Variants in ARID4B observed in about 807,000 individuals in gnomAD.
ARID4B encodes the protein AT-rich interaction domain 4B.
In ARID4B, 26 loss-of-function variants were observed where a neutral mutation model predicts 147.5. The observed-to-expected ratio is 0.18, with a 90% CI of 0.13 to 0.24. The LOEUF is 0.24. ARID4B is among the 10% of genes least tolerant of loss of function. The probability of loss-of-function intolerance (pLI) is 1.00; values close to 1 mark genes in which losing one functional copy is unlikely to be tolerated. For missense variants in ARID4B, 1,179 were observed against 1,511.5 expected (o/e 0.78, Z 3.65); for synonymous variants, 512 against 507.9 (o/e 1.01, Z -0.11).
At chr1:235,226,857 C>T (rs1219587039) in intron 11 of ARID4B, among the ~76,000 whole-genome samples, 3 of 152,056 alleles carry the variant, frequency 2.0e-5, no homozygotes, top group Non-Finnish European at 2.9e-5. Context: ...TTAGTACAGA[C>T]GGGGTTTCAC....
Position 235,182,421 on chromosome 1 carries a change from C to A in ARID4B, c.2498G>T (p.Cys833Phe), listed in dbSNP as rs1402177471. 1 of 1,609,626 alleles carries A rather than the reference C, an allele frequency of 6.2e-7. No individual in the cohort carries two copies. Among genetic ancestry groups the A allele is most frequent in the Non-Finnish European group, 8.5e-7 (1 of 1,178,996 alleles). Reference protein sequence around the residue: ...GKRRYCNTEECLKTGSPGKKE... With the variant: ...GKRRYCNTEEFLKTGSPGKKE... ...TTTGCCAGGTGATCCAGTTTTTAGA[C>A]ACTCTTCTGTATTGCAATACCTTCT... The change falls in exon 20 of 24, where the codon TGT (cysteine) becomes TTT (phenylalanine). Residue 833 changes from cysteine (C) to phenylalanine (F), a missense_variant. Around this residue, in one of 10 missense-constraint regions of ARID4B, gnomAD observed 321 missense variants for 342.4 expected, o/e 0.94. Transcript: ENST00000264183.
chr1:235,236,201 G>A (rs181123321), intron 8 of ARID4B, among the ~76,000 whole-genome samples: 1 of 151,980 alleles, frequency 6.6e-6, no homozygotes, highest in Non-Finnish European at 1.5e-5. Context: ...AAGATTGGTC[G>A]ATTTAGAACA....
At chr1:235,225,956 C>G (rs1321665744) in intron 11 of ARID4B, among the ~76,000 whole-genome samples, 2 of 152,176 alleles carry the variant, frequency 1.3e-5, no homozygotes, top group African/African-American at 2.4e-5. Context: ...TTTAAACACA[C>G]TCCATACATT....
In ARID4B at chr1:235,175,060, T is replaced by C; in HGVS notation, c.3664+124A>G. On this transcript the variant is annotated intron_variant, in intron 22 of 23. Transcript: ENST00000264183. ...GGCTGAAGATTACAGTGAGCCAAGATCGCACCACCGCACTCCAGCCTGGTG... is the reference window on the plus strand; with the variant it reads ...GGCTGAAGATTACAGTGAGCCAAGACCGCACCACCGCACTCCAGCCTGGTG... 3 of 809,920 alleles carry C rather than the reference T, an allele frequency of 3.7e-6. No individual in the cohort carries two copies. In the South Asian group the frequency reaches 5.1e-5, roughly 14 times the overall value. The allele number at this position is 809,920 out of a possible 1,614,324, so 50.2% of individuals were successfully genotyped here.
chr1:235,226,195 A>G (rs1667814967), intron 11 of ARID4B, among the ~76,000 whole-genome samples: 1 of 152,214 alleles, frequency 6.6e-6, no homozygotes, highest in Admixed American at 6.5e-5. Context: ...TTTGGTAGCT[A>G]TTTATCATCT....
intron 8 of ARID4B, among the ~76,000 whole-genome samples, chr1:235,237,715 G>A (rs1668697339): frequency 1.3e-5 from 2 of 152,156 alleles, no homozygotes; most frequent in Admixed American, 6.6e-5. Flanking sequence ...ATGGACATAA[G>A]TTTTCATACA....
At chr1:235,199,093 C>T (rs1415782184) in intron 17 of ARID4B, among the ~76,000 whole-genome samples, 3 of 151,884 alleles carry the variant, frequency 2.0e-5, no homozygotes. Context: ...AACAAGACTC[C>T]GTCTCAAAAA....
chr1:235,221,902 T>C (rs1667494814), intron 13 of ARID4B, among the ~76,000 whole-genome samples: 1 of 132,130 alleles, frequency 7.6e-6, no homozygotes, highest in African/African-American at 2.9e-5. Flanking sequence ...TTTTTTTTTT[T>C]TTTTTTTTTT....
chr1:235,263,341 G>A (rs1469737322), intron 2 of ARID4B, among the ~76,000 whole-genome samples: 3 of 152,004 alleles, frequency 2.0e-5, no homozygotes, highest in Non-Finnish European at 4.4e-5. Context: ...AACAAAAATA[G>A]GGTATAGAAT....
chr1:235,220,649 T>C (rs778541565), intron 14 of ARID4B, 104 bp from the exon 15 acceptor site: 41 of 906,848 alleles, frequency 4.5e-5, no homozygotes, highest in Non-Finnish European at 6.0e-5. Flanking sequence ...CTCTCAGATA[T>C]TGAGCCATAT....
At chr1:235,282,008 C>T (rs1671699032) in intron 2 of ARID4B, among the ~76,000 whole-genome samples, 1 of 152,168 alleles carries the variant, frequency 6.6e-6, no homozygotes, top group Non-Finnish European at 1.5e-5. Flanking sequence ...TAGGAACATA[C>T]ATCATGAATA....
intron 2 of ARID4B, among the ~76,000 whole-genome samples, chr1:235,298,390 C>CA (rs1285110649): frequency 1.3e-5 from 2 of 151,574 alleles, no homozygotes; most frequent in Non-Finnish European, 2.9e-5. Context: ...ACTAATTTTC[C>CA]AAAAATTAGA....
intron 21 of ARID4B, among the ~76,000 whole-genome samples, chr1:235,176,042 T>C (rs991174535): frequency 1.8e-4 from 27 of 152,192 alleles, no homozygotes; most frequent in Admixed American, 1.5e-3. Flanking sequence ...ATGGAAATAC[T>C]TGACCTTGAC....
At chr1:235,291,620 G>C (rs1219623848) in intron 2 of ARID4B, among the ~76,000 whole-genome samples, 1 of 151,932 alleles carries the variant, frequency 6.6e-6, no homozygotes, top group Non-Finnish European at 1.5e-5. Flanking sequence ...CAGATCACTT[G>C]AGGCCAGGAA....
At chr1:235,172,112 T>C (rs1663408441) in intron 23 of ARID4B, among the ~76,000 whole-genome samples, 1 of 152,224 alleles carries the variant, frequency 6.6e-6, no homozygotes, top group South Asian at 2.1e-4. Flanking sequence ...TGGTAGAGTA[T>C]AAACTCTATG....
intron 9 of ARID4B, among the ~76,000 whole-genome samples, chr1:235,231,987 G>C (rs576786180): frequency 6.6e-6 from 1 of 152,296 alleles, no homozygotes; most frequent in East Asian, 1.9e-4. Context: ...AGGAGTGGTG[G>C]CATGTGCCTG....
chr1:235,196,642 A>G (rs1436535665), intron 17 of ARID4B, among the ~76,000 whole-genome samples: 1 of 152,086 alleles, frequency 6.6e-6, no homozygotes, highest in Non-Finnish European at 1.5e-5. Context: ...TCACGAAGTC[A>G]GGAGATCAAG....
chr1:235,299,335 G>A (rs1204161455), intron 2 of ARID4B, among the ~76,000 whole-genome samples: 1 of 151,936 alleles, frequency 6.6e-6, no homozygotes, highest in Non-Finnish European at 1.5e-5. Context: ...TGCCTCAGCC[G>A]CCCGAGTAGC....
chr1:235,279,267 A>C (rs541863693), intron 2 of ARID4B, among the ~76,000 whole-genome samples: 7 of 152,228 alleles, frequency 4.6e-5, no homozygotes, highest in African/African-American at 1.4e-4. Context: ...TCTTAAGTAG[A>C]TATTTGTAAT....
Sources: allele counts gnomAD v4.1 joint callset (sites outside exome capture counted in the v4.1 genomes callset), GRCh38; gene constraint gnomAD v4.1.1; regional missense constraint gnomAD v4.1.1; transcripts MANE v1.5; gene names NCBI Gene and HGNC (gene_info 2026-07-23, HGNC 2026-07-21).